The following ATRN variants were observed in gnomAD, a reference collection of about 807,000 sequenced individuals.
The protein encoded by ATRN is attractin.
Under a neutral mutation model 178.7 loss-of-function variants are expected in ATRN, and 54 were observed. That is an observed-to-expected ratio of 0.30 (90% CI 0.24 to 0.38). The LOEUF (loss-of-function observed/expected upper bound fraction) is 0.38. Among genes scored for constraint, ATRN ranks in the 10% least tolerant of loss-of-function variants. The pLI, the probability that ATRN is intolerant of heterozygous loss-of-function variation, is 1.00. For missense variants in ATRN, 1,443 were observed against 1,815.1 expected, an observed-to-expected ratio of 0.79 and a Z score of 3.73; for synonymous variants, 636 against 663.0, an observed-to-expected ratio of 0.96 and a Z score of 0.63.
rs192001042 is a variant in ATRN at position 3,524,708 on chromosome 20, G to A, written c.411-10545G>A. ...AATGCAAAAGAATAGAAATCATAAC[G>A]TCCCTCAGACCACAGTGCAATCAAA... On this transcript the variant is annotated intron_variant, in intron 1 of 28. Coordinates refer to ENST00000262919, the MANE Select transcript of ATRN (RefSeq NM_139321.3). 1.6e-3 allele frequency among the ~76,000 whole-genome samples: 239 copies of A among 151,252 alleles called. 3 individuals are homozygous for A. Among genetic ancestry groups the A allele is most frequent in the Non-Finnish European group, 3.6e-4 (24 of 67,440 alleles).
chr20:3,477,772 A>C (rs1261669144), intron 1 of ATRN, among the ~76,000 whole-genome samples: 1 of 152,220 alleles, frequency 6.6e-6, no homozygotes, highest in African/African-American at 2.4e-5. Context: ...TGAAGGAATA[A>C]AATTCTGTAA....
At chr20:3,603,119 A>C (rs2086634270) in intron 23 of ATRN, among the ~76,000 whole-genome samples, 2 of 152,046 alleles carry the variant, frequency 1.3e-5, no homozygotes, top group African/African-American at 2.4e-5. Flanking sequence ...TGGCTAAGGG[A>C]GAATGTGGAA....
At chr20:3,540,939 C>T (rs567190137) in intron 3 of ATRN, among the ~76,000 whole-genome samples, 2 of 151,796 alleles carry the variant, frequency 1.3e-5, no homozygotes, top group Non-Finnish European at 2.9e-5. Context: ...CAGTTTAACA[C>T]CAAATATATG....
At chr20:3,534,487 G>A (rs546739819) in intron 1 of ATRN, among the ~76,000 whole-genome samples, 33 of 152,076 alleles carry the variant, frequency 2.2e-4, no homozygotes, top group Admixed American at 3.3e-4. Context: ...GGAAGAGAGT[G>A]AACGATTTGT....
chr20:3,585,903 C>T (rs1175697588), intron 18 of ATRN, among the ~76,000 whole-genome samples: 25 of 152,298 alleles, frequency 1.6e-4, no homozygotes, highest in Non-Finnish European at 7.4e-5. Flanking sequence ...TACCACTTTA[C>T]ACCCACTGAG....
chr20:3,609,525 T>G (rs776369811), intron 24 of ATRN, among the ~76,000 whole-genome samples: 12 of 152,184 alleles, frequency 7.9e-5, no homozygotes, highest in Admixed American at 2.0e-4. Flanking sequence ...TTCTTTCTTT[T>G]GCCTAGTTGC....
At chr20:3,503,091 G>T (rs2084986079) in intron 1 of ATRN, among the ~76,000 whole-genome samples, 1 of 151,984 alleles carries the variant, frequency 6.6e-6, no homozygotes, top group Admixed American at 6.6e-5. Context: ...TACCCTCTCA[G>T]GCAGTGCCAG....
At chr20:3,609,171 C>A (rs756386664) in intron 24 of ATRN, among the ~76,000 whole-genome samples, 4 of 151,906 alleles carry the variant, frequency 2.6e-5, no homozygotes, top group Non-Finnish European at 4.4e-5. Flanking sequence ...GTGTCTCTTT[C>A]AATTTTTTTG....
At chr20:3,502,895 A>G (rs1444903284) in intron 1 of ATRN, among the ~76,000 whole-genome samples, 1 of 152,180 alleles carries the variant, frequency 6.6e-6, no homozygotes, top group Non-Finnish European at 1.5e-5. Flanking sequence ...TCTCCTACCC[A>G]GAGATATGGG....
intron 24 of ATRN, among the ~76,000 whole-genome samples, chr20:3,612,718 ATT>A (rs1453240824): frequency 6.6e-6 from 1 of 151,246 alleles, no homozygotes; most frequent in African/African-American, 2.5e-5. Context: ...AATAAAATTT[ATT>A]TATTTACTCA....
At chr20:3,624,967 A>G (rs2086925508) in intron 25 of ATRN, among the ~76,000 whole-genome samples, 1 of 152,206 alleles carries the variant, frequency 6.6e-6, no homozygotes, top group African/African-American at 2.4e-5. Context: ...GATTATCCAA[A>G]GTTTTAAAGC....
intron 2 of ATRN, among the ~76,000 whole-genome samples, chr20:3,535,695 G>A (rs2085521937): frequency 6.6e-6 from 1 of 151,834 alleles, no homozygotes; most frequent in Non-Finnish European, 1.5e-5. Flanking sequence ...GCAGTGGCGT[G>A]ATCTCCGCTC....
chr20:3,544,164 G>A (rs892424852), intron 3 of ATRN, among the ~76,000 whole-genome samples: 2 of 152,136 alleles, frequency 1.3e-5, no homozygotes, highest in Non-Finnish European at 2.9e-5. Flanking sequence ...GTATGTGTAA[G>A]TGTACACATG....
At chr20:3,528,823 AT>A (rs1329350852) in intron 1 of ATRN, among the ~76,000 whole-genome samples, 4 of 151,966 alleles carry the variant, frequency 2.6e-5, no homozygotes, top group Non-Finnish European at 2.9e-5. Context: ...TTTTTATCTT[AT>A]TTTTTTGAGA....
chr20:3,489,583 C>T (rs1267651173), intron 1 of ATRN: 2 of 1,481,594 alleles, frequency 1.3e-6, no homozygotes, highest in Non-Finnish European at 9.4e-7. Context: ...TCACAACATT[C>T]CCACTTGAGT....
intron 20 of ATRN, among the ~76,000 whole-genome samples, chr20:3,594,963 G>T (rs187137231): frequency 9.9e-5 from 15 of 152,278 alleles, no homozygotes; most frequent in Admixed American, 6.5e-4. Flanking sequence ...TTGGCGTTTG[G>T]TTGTCTGATT....
chr20:3,591,838 C>A (rs981144740), intron 19 of ATRN, among the ~76,000 whole-genome samples: 3 of 152,138 alleles, frequency 2.0e-5, no homozygotes, highest in Non-Finnish European at 4.4e-5. Context: ...CTGAAGAAGA[C>A]CTCAGCCCAA....
chr20:3,512,035 CT>C (rs34065702), intron 1 of ATRN, among the ~76,000 whole-genome samples: 5,812 of 115,830 alleles, frequency 0.05, 167 homozygotes, highest in Middle Eastern at 0.077. Context: ...TTTTACCTGA[CT>C]TTTTTTTTTT....
intron 24 of ATRN, among the ~76,000 whole-genome samples, chr20:3,612,715 T>C (rs2086783355): frequency 3.3e-5 from 5 of 151,312 alleles, no homozygotes; most frequent in Admixed American, 3.3e-4. Context: ...GTAAATAAAA[T>C]TTATTTATTT....
Sources: allele counts gnomAD v4.1 joint callset (sites outside exome capture counted in the v4.1 genomes callset), GRCh38; gene constraint gnomAD v4.1.1; transcripts MANE v1.5; gene names NCBI Gene and HGNC (gene_info 2026-07-23, HGNC 2026-07-21).